DYSF: variants seen among roughly 807,000 people sequenced by gnomAD.
DYSF encodes the protein dystrophy-associated fer-1-like 1.
In DYSF, 212 loss-of-function variants were observed where a neutral mutation model predicts 274.9. The observed-to-expected ratio is 0.77, with a 90% CI of 0.69 to 0.86. DYSF has a LOEUF of 0.86. Among genes scored for constraint, DYSF ranks in the 40% least tolerant of loss-of-function variants. The pLI, the probability that DYSF is intolerant of heterozygous loss-of-function variation, is 0.00. For missense variants in DYSF, 2,666 were observed against 2,783.2 expected (o/e 0.96, Z 0.95); for synonymous variants, 1,091 against 1,078.7 (o/e 1.01, Z -0.22).
intron 3 of DYSF, among the ~76,000 whole-genome samples, chr2:71,488,477 TCC>T (rs1224881694): frequency 8.5e-5 from 13 of 152,062 alleles, no homozygotes; most frequent in African/African-American, 2.9e-4. Flanking sequence ...GCCTAACCGG[TCC>T]CCAAGACAGG....
chr2:71,594,833 C>A (rs902699610), intron 32 of DYSF, among the ~76,000 whole-genome samples: 4 of 152,190 alleles, frequency 2.6e-5, no homozygotes, highest in South Asian at 4.1e-4. Context: ...GTGCTCCTCA[C>A]CCCTGCCCCT....
intron 30 of DYSF, among the ~76,000 whole-genome samples, chr2:71,589,058 A>G (rs1167358416): frequency 6.6e-6 from 1 of 151,740 alleles, no homozygotes; most frequent in Non-Finnish European, 1.5e-5. Flanking sequence ...CTGTCCACCC[A>G]CTCCTGTCCC....
chr2:71,557,435 G>A (rs1034074625), intron 22 of DYSF, among the ~76,000 whole-genome samples: 2 of 152,176 alleles, frequency 1.3e-5, no homozygotes, highest in Non-Finnish European at 2.9e-5. Context: ...CCAATTGGGC[G>A]GCCCCGAGGG....
At chr2:71,637,918 T>C (rs2094430516) in intron 41 of DYSF, among the ~76,000 whole-genome samples, 1 of 152,098 alleles carries the variant, frequency 6.6e-6, no homozygotes, top group South Asian at 2.1e-4. Context: ...CAAAAGTCAC[T>C]GAGCAGCCGG....
Position 71,620,432 on chromosome 2 carries a change from C to T in DYSF, c.4465-115C>T, listed in dbSNP as rs2094067934. ...GTCCAACTCCAAAGCACATGTTCTC[C>T]CTGGAGGAAGAGCAGAGGGTGCCTG... On this transcript the variant is annotated intron_variant, in intron 40 of 55. Transcript: ENST00000410020. 5.4e-6 allele frequency: 6 copies of T among 1,101,682 alleles called. 1 individual carries two copies. The South Asian group carries it at 8.0e-5, about 15-fold the overall frequency. The allele number at this position is 1,101,682 out of a possible 1,614,324, so 68.2% of individuals were successfully genotyped here.
intron 45 of DYSF, among the ~76,000 whole-genome samples, chr2:71,661,465 G>C (rs2094880423): frequency 6.6e-6 from 1 of 152,164 alleles, no homozygotes; most frequent in South Asian, 2.1e-4. Flanking sequence ...GATCCAATCT[G>C]TTATACGACA....
chr2:71,455,149 A>G (rs893366780), intron 1 of DYSF, among the ~76,000 whole-genome samples: 4 of 152,300 alleles, frequency 2.6e-5, no homozygotes, highest in Non-Finnish European at 2.9e-5. Context: ...ATCTGCACAT[A>G]TGATCCCAGG....
chr2:71,663,278 C>A (rs2094934743), intron 45 of DYSF, among the ~76,000 whole-genome samples: 1 of 152,182 alleles, frequency 6.6e-6, no homozygotes, highest in African/African-American at 2.4e-5. Flanking sequence ...CTCAGAGAGC[C>A]CCCCGTGAGC....
intron 3 of DYSF, among the ~76,000 whole-genome samples, chr2:71,498,738 G>A (rs899811765): frequency 4.6e-5 from 7 of 152,252 alleles, no homozygotes; most frequent in African/African-American, 1.4e-4. Context: ...TCTATGGTTA[G>A]CTGGCCTATG....
intron 47 of DYSF, among the ~76,000 whole-genome samples, chr2:71,665,974 T>A (rs1408079587): frequency 6.6e-6 from 1 of 152,140 alleles, no homozygotes; most frequent in Non-Finnish European, 1.5e-5. Context: ...GCTTCAGAGA[T>A]GTTTGATGTC....
intron 17 of DYSF, among the ~76,000 whole-genome samples, chr2:71,548,800 A>AG (rs57112461): frequency 2.0e-5 from 3 of 151,968 alleles, no homozygotes; most frequent in East Asian, 1.9e-4. Flanking sequence ...TGGAGCCTTC[A>AG]GGGGGGTGAT....
intron 3 of DYSF, among the ~76,000 whole-genome samples, chr2:71,500,056 G>A (rs1573542459): frequency 6.6e-6 from 1 of 152,154 alleles, no homozygotes; most frequent in African/African-American, 2.4e-5. Flanking sequence ...ACCTGGCCCT[G>A]GAGCCTGTGC....
chr2:71,618,861 T>A (rs1312546037), intron 40 of DYSF, among the ~76,000 whole-genome samples: 1 of 151,846 alleles, frequency 6.6e-6, no homozygotes, highest in Non-Finnish European at 1.5e-5. Context: ...GACTGTTTCC[T>A]CACTCTGTCG....
At chr2:71,639,846 T>C (rs2094460305) in intron 41 of DYSF, among the ~76,000 whole-genome samples, 1 of 152,100 alleles carries the variant, frequency 6.6e-6, no homozygotes, top group African/African-American at 2.4e-5. Flanking sequence ...CCACCAGCAG[T>C]TTGTAGGAGA....
At chr2:71,663,538 C>T (rs1422021499) in intron 45 of DYSF, among the ~76,000 whole-genome samples, 1 of 152,202 alleles carries the variant, frequency 6.6e-6, no homozygotes, top group African/African-American at 2.4e-5. Context: ...CCCTGCCCTC[C>T]TTCTCCATGC....
chr2:71,535,184 T>C, intron 15 of DYSF, 84 bp from the exon 16 acceptor site: 2 of 1,595,832 alleles, frequency 1.3e-6, no homozygotes, highest in Non-Finnish European at 1.7e-6. Flanking sequence ...CCTGCCAGTA[T>C]CCCAGACTTC....
At position 71,656,146 on chromosome 2, in the gene DYSF, T is replaced by C. The variant is rs2094765216; in HGVS notation, c.4627-16T>C. ...TTCTGTCTCTTGTCCCCTCCTCTAA[T>C]CCCCATGTGTGGCAGGTCTATGACA... is the stretch of plus-strand genomic sequence containing the variant. On this transcript the variant is annotated splice_polypyrimidine_tract_variant and intron_variant, in intron 42 of 55. Transcript: ENST00000410020. The C allele has an allele frequency of 6.2e-7, 1 of 1,613,932 alleles. No individual in the cohort carries two copies. Among genetic ancestry groups the C allele is most frequent in the Admixed American group, 1.7e-5 (1 of 59,984 alleles).
At chr2:71,684,844 T>A (rs1238910776) in intron 55 of DYSF, among the ~76,000 whole-genome samples, 1 of 152,224 alleles carries the variant, frequency 6.6e-6, no homozygotes, top group African/African-American at 2.4e-5. Flanking sequence ...AAATCCCTCC[T>A]GCTCACATGA....
intron 22 of DYSF, among the ~76,000 whole-genome samples, chr2:71,558,854 C>A (rs1419453299): frequency 2.0e-5 from 3 of 152,126 alleles, no homozygotes; most frequent in African/African-American, 7.2e-5. Context: ...GCAATTCGCT[C>A]AGCTCCACCT....
Sources: allele counts gnomAD v4.1 joint callset (sites outside exome capture counted in the v4.1 genomes callset), GRCh38; gene constraint gnomAD v4.1.1; transcripts MANE v1.5; gene names NCBI Gene and HGNC (gene_info 2026-07-23, HGNC 2026-07-21).